Variants in GRIK3 observed in about 807,000 individuals in gnomAD.
GRIK3 encodes glutamate receptor ionotropic, kainate 3.
GRIK3 carries 29 observed loss-of-function variants against 102.5 expected under a neutral mutation model. The ratio of observed to expected loss-of-function variants is 0.28; its 90% confidence interval spans 0.21 to 0.39. GRIK3 has a LOEUF of 0.39. Among genes scored for constraint, GRIK3 ranks in the 10% least tolerant of loss-of-function variants. GRIK3 has a pLI of 1.00. For synonymous variants in GRIK3, 511 were observed against 504.9 expected, an observed-to-expected ratio of 1.01 and a Z score of -0.16; for missense variants, 908 against 1,252.4, an observed-to-expected ratio of 0.73 and a Z score of 4.15.
intron 2 of GRIK3, among the ~76,000 whole-genome samples, chr1:36,885,749 C>G (rs1037189312): frequency 1.3e-5 from 2 of 152,170 alleles, no homozygotes; most frequent in African/African-American, 4.8e-5. Flanking sequence ...GCTTTTCTTC[C>G]AGATGTTTCC....
chr1:36,889,689 G>A (rs1173962072), intron 2 of GRIK3, among the ~76,000 whole-genome samples: 1 of 152,118 alleles, frequency 6.6e-6, no homozygotes, highest in African/African-American at 2.4e-5. Flanking sequence ...AAGTAACTCC[G>A]GGAGGGCTCG....
At chr1:36,994,579 A>G (rs1464824867) in intron 1 of GRIK3, among the ~76,000 whole-genome samples, 1 of 152,244 alleles carries the variant, frequency 6.6e-6, no homozygotes, top group Admixed American at 6.5e-5. Flanking sequence ...CATAAGTGTC[A>G]GCTGTTACCT....
At chr1:37,031,386 A>G (rs1388310252) in intron 1 of GRIK3, among the ~76,000 whole-genome samples, 1 of 152,220 alleles carries the variant, frequency 6.6e-6, no homozygotes, top group Non-Finnish European at 1.5e-5. Flanking sequence ...AGAGCAATGC[A>G]ATTCATCTAT....
intron 1 of GRIK3, among the ~76,000 whole-genome samples, chr1:36,997,603 A>T (rs1351829096): frequency 6.6e-6 from 1 of 152,118 alleles, no homozygotes; most frequent in Non-Finnish European, 1.5e-5. Flanking sequence ...AGGCAGAGGG[A>T]CTCAGTCCAA....
At chr1:37,006,840 C>T (rs1642538092) in intron 1 of GRIK3, among the ~76,000 whole-genome samples, 1 of 152,218 alleles carries the variant, frequency 6.6e-6, no homozygotes, top group South Asian at 2.1e-4. Context: ...CAATTATTGT[C>T]TTCACTTCAC....
rs1004778209 is a variant in GRIK3 at position 36,865,311 on chromosome 1, T to C, written c.786+4437A>G. 3.9e-5 allele frequency among the ~76,000 whole-genome samples: 6 copies of C among 152,300 alleles called. No individual in the cohort carries two copies. The East Asian group carries it at 1.2e-3, about 29-fold the overall frequency. On this transcript the variant is annotated intron_variant, in intron 5 of 15. Coordinates refer to ENST00000373091, the MANE Select transcript of GRIK3 (RefSeq NM_000831.4). The stretch of plus-strand genomic sequence containing the variant: ...ATAATGGCAGCTGGGGTAATTAAAA[T>C]ATCTTCTGCATGGAAGAAGCAAATT...
intron 1 of GRIK3, among the ~76,000 whole-genome samples, chr1:36,998,314 G>A (rs1444672641): frequency 1.3e-5 from 2 of 152,164 alleles, no homozygotes; most frequent in Admixed American, 6.5e-5. Context: ...TTCCCTGACC[G>A]TGTCCTACTG....
chr1:36,869,065 C>T (rs957188717), intron 5 of GRIK3, among the ~76,000 whole-genome samples: 1 of 152,260 alleles, frequency 6.6e-6, no homozygotes, highest in Non-Finnish European at 1.5e-5. Flanking sequence ...AGGTGTCTAT[C>T]TGCAAGGCAG....
intron 1 of GRIK3, among the ~76,000 whole-genome samples, 189 bp downstream of exon 1, chr1:37,033,805 C>G (rs997717958): frequency 2.6e-4 from 40 of 152,244 alleles, no homozygotes; most frequent in African/African-American, 9.2e-4. Context: ...CGGCCTCCTC[C>G]CCAATAAGTA....
At chr1:36,945,197 T>A (rs998655719) in intron 1 of GRIK3, among the ~76,000 whole-genome samples, 12 of 152,280 alleles carry the variant, frequency 7.9e-5, no homozygotes, top group African/African-American at 2.9e-4. Context: ...AAGTGGAACA[T>A]ATTTCTCCTG....
chr1:36,934,993 C>A (rs1641639839), intron 1 of GRIK3, among the ~76,000 whole-genome samples: 1 of 152,192 alleles, frequency 6.6e-6, no homozygotes, highest in Non-Finnish European at 1.5e-5. Context: ...TAATTTAGCT[C>A]TTTCTTAGTT....
chr1:37,033,612 C>T (rs574140968), intron 1 of GRIK3, among the ~76,000 whole-genome samples: 62 of 152,330 alleles, frequency 4.1e-4, no homozygotes, highest in Admixed American at 1.1e-3. Context: ...GAAGTTGGCG[C>T]CTTCCCCAGG....
At chr1:36,900,447 T>C (rs951663916) in intron 1 of GRIK3, among the ~76,000 whole-genome samples, 5 of 152,164 alleles carry the variant, frequency 3.3e-5, no homozygotes, top group African/African-American at 1.2e-4. Context: ...GCTTAAACAA[T>C]GTACTTCCAA....
At chr1:36,950,702 C>A (rs779637837) in intron 1 of GRIK3, among the ~76,000 whole-genome samples, 1 of 152,214 alleles carries the variant, frequency 6.6e-6, no homozygotes, top group Non-Finnish European at 1.5e-5. Flanking sequence ...AGGCTACATG[C>A]GATTTATCTG....
chr1:36,957,950 ATGACTCTGTGCCCCG>A (rs1641943263), intron 1 of GRIK3, among the ~76,000 whole-genome samples: 3 of 21,490 alleles, frequency 1.4e-4, no homozygotes, highest in African/African-American at 2.8e-4. Context: ...TGTGTGTCCC[ATGACTCTGTGCCCCG>A]TGAGTCTGTG....
intron 1 of GRIK3, among the ~76,000 whole-genome samples, chr1:36,958,845 C>T (rs1318525151): frequency 8.1e-6 from 1 of 123,068 alleles, no homozygotes; most frequent in Non-Finnish European, 1.8e-5. Flanking sequence ...CCTTGTGACT[C>T]TGTGCCCCAT....
chr1:36,872,307 G>C lies in GRIK3; in HGVS notation c.613C>G (p.Arg205Gly). Residue 205 changes from arginine (R) to glycine (G), a missense_variant, in exon 4 of 16, where the codon CGT becomes GGT. Physicochemically the swap from Arg to Gly is moderately radical, Grantham distance 125 (BLOSUM62 -2). This residue lies in a region of GRIK3 where 585 missense variants were observed against 824.9 expected (regional missense o/e 0.71). Transcript: ENST00000373091. The surrounding 1 kb of genome is among the most constrained non-coding windows in gnomAD (Gnocchi z 5.9). ...PSRYNIRLKI[R>G]QLPIDSDDSR... Reference sequence around the variant, plus strand: ...TCGTCAGAGTCGATGGGGAGCTGACGGATCTTCAGGCGGATGTTGTATCTT... The same window carrying C: ...TCGTCAGAGTCGATGGGGAGCTGACCGATCTTCAGGCGGATGTTGTATCTT... 6.2e-7 allele frequency: 1 copy of C among 1,612,836 alleles called. No homozygotes were observed. Among genetic ancestry groups the C allele is most frequent in the Non-Finnish European group, 8.5e-7 (1 of 1,179,374 alleles).
intron 1 of GRIK3, among the ~76,000 whole-genome samples, chr1:36,907,117 T>C (rs1641291905): frequency 6.6e-6 from 1 of 152,220 alleles, no homozygotes; most frequent in Non-Finnish European, 1.5e-5. Flanking sequence ...CTGTAGTCTC[T>C]ACTTGTTCTG....
intron 1 of GRIK3, among the ~76,000 whole-genome samples, chr1:37,025,009 C>G (rs1445034775): frequency 2.6e-5 from 4 of 152,160 alleles, no homozygotes; most frequent in African/African-American, 4.8e-5. Context: ...CAAAGTCACA[C>G]AGCCAGGAGG....
Sources: allele counts gnomAD v4.1 joint callset (sites outside exome capture counted in the v4.1 genomes callset), GRCh38; gene constraint gnomAD v4.1.1; regional missense constraint gnomAD v4.1.1; non-coding constraint Gnocchi (gnomAD v3.1); transcripts MANE v1.5; gene names NCBI Gene and HGNC (gene_info 2026-07-23, HGNC 2026-07-21).